Variants in UBE2E2 observed in about 807,000 individuals in gnomAD.
The protein encoded by UBE2E2 is ubiquitin-conjugating enzyme E2 E2.
Under a neutral mutation model 24.7 loss-of-function variants are expected in UBE2E2, and 6 were observed. That is an observed-to-expected ratio of 0.24 (90% CI 0.13 to 0.48). The LOEUF (loss-of-function observed/expected upper bound fraction) is 0.48. Ranked by LOEUF, UBE2E2 falls within the 20% of genes least tolerant of loss-of-function variation. The pLI, the probability that UBE2E2 is intolerant of heterozygous loss-of-function variation, is 0.99. For missense variants in UBE2E2, 169 were observed against 245.0 expected, an observed-to-expected ratio of 0.69 and a Z score of 2.07; for synonymous variants, 104 against 83.6, an observed-to-expected ratio of 1.24 and a Z score of -1.33.
chr3:23,442,938 A>T (rs1486578885), intron 3 of UBE2E2, among the ~76,000 whole-genome samples: 1 of 152,220 alleles, frequency 6.6e-6, no homozygotes, highest in East Asian at 1.9e-4. Context: ...TATATTAATA[A>T]TTGAACCAAA....
chr3:23,320,007 T>G (rs1694701856), intron 3 of UBE2E2, among the ~76,000 whole-genome samples: 1 of 152,142 alleles, frequency 6.6e-6, no homozygotes. Context: ...AATAGTTTTC[T>G]TTCAAGAAGG....
chr3:23,585,705 A>G (rs1167975428), intron 5 of UBE2E2, among the ~76,000 whole-genome samples: 1 of 152,168 alleles, frequency 6.6e-6, no homozygotes, highest in Non-Finnish European at 1.5e-5. Flanking sequence ...TTTAGTAAAA[A>G]TGAGGAAAAC....
intron 3 of UBE2E2, among the ~76,000 whole-genome samples, chr3:23,272,908 A>G (rs1321692799): frequency 6.6e-6 from 1 of 152,152 alleles, no homozygotes; most frequent in African/African-American, 2.4e-5. Flanking sequence ...GAAGCAGGAA[A>G]AGACTGATAT....
intron 3 of UBE2E2, among the ~76,000 whole-genome samples, chr3:23,298,640 A>G (rs1265339310): frequency 6.6e-6 from 1 of 151,736 alleles, no homozygotes; most frequent in Non-Finnish European, 1.5e-5. Flanking sequence ...GATGAAGCCC[A>G]CTTGATCATG....
intron 4 of UBE2E2, 136 bp downstream of exon 4, chr3:23,499,876 TA>T (rs1559403802): frequency 9.2e-7 from 1 of 1,089,600 alleles, no homozygotes; most frequent in Non-Finnish European, 1.2e-6. Context: ...TGATAGTGTA[TA>T]AAATGAAACA....
intron 5 of UBE2E2, among the ~76,000 whole-genome samples, chr3:23,536,934 G>A (rs1304435482): frequency 6.6e-6 from 1 of 152,146 alleles, no homozygotes; most frequent in Non-Finnish European, 1.5e-5. Flanking sequence ...CTTAGAAACT[G>A]CAACTTTTAG....
intron 3 of UBE2E2, among the ~76,000 whole-genome samples, chr3:23,261,874 G>A (rs991466533): frequency 3.3e-5 from 5 of 152,066 alleles, no homozygotes; most frequent in African/African-American, 1.2e-4. Flanking sequence ...TTCATTTATA[G>A]GTGTATGGGC....
chr3:23,515,589 C>T (rs554385653), intron 4 of UBE2E2, among the ~76,000 whole-genome samples: 1 of 152,226 alleles, frequency 6.6e-6, no homozygotes, highest in South Asian at 2.1e-4. Context: ...CCAGCATATA[C>T]TCCCTGTAAA....
At chr3:23,238,771 C>T (rs1047513031) in intron 3 of UBE2E2, among the ~76,000 whole-genome samples, 1 of 152,112 alleles carries the variant, frequency 6.6e-6, no homozygotes, top group African/African-American at 2.4e-5. Flanking sequence ...TTTTATTTCT[C>T]CCATGGGGAC....
intron 3 of UBE2E2, among the ~76,000 whole-genome samples, chr3:23,339,524 A>G (rs1559353218): frequency 1.3e-5 from 2 of 152,264 alleles, no homozygotes; most frequent in East Asian, 1.9e-4. Flanking sequence ...AATGCTTTGT[A>G]AAGTCTGAAA....
At chr3:23,396,875 G>A (rs946019016) in intron 3 of UBE2E2, among the ~76,000 whole-genome samples, 1 of 152,084 alleles carries the variant, frequency 6.6e-6, no homozygotes. Context: ...TGCAGGACAG[G>A]GGGGATGTGG....
intron 3 of UBE2E2, among the ~76,000 whole-genome samples, chr3:23,437,327 C>G (rs531036811): frequency 1.3e-5 from 2 of 152,264 alleles, no homozygotes; most frequent in South Asian, 4.1e-4. Context: ...TTGACTTTTC[C>G]ATGCATAGTA....
intron 5 of UBE2E2, among the ~76,000 whole-genome samples, chr3:23,554,914 AC>A: frequency 6.6e-6 from 1 of 151,576 alleles, no homozygotes. Context: ...ACCTGAATAT[AC>A]CTTTTTTTTT....
At chr3:23,473,302 T>C (rs1189229407) in intron 3 of UBE2E2, among the ~76,000 whole-genome samples, 1 of 152,118 alleles carries the variant, frequency 6.6e-6, no homozygotes, top group Admixed American at 6.5e-5. Context: ...ATTTTCTTAA[T>C]GTTTTAGTAG....
chr3:23,398,999 G>A (rs572830667), intron 3 of UBE2E2, among the ~76,000 whole-genome samples: 94 of 152,304 alleles, frequency 6.2e-4, no homozygotes, highest in African/African-American at 2.2e-3. Context: ...CCCAGTGGAT[G>A]CCTGAAACCT....
intron 4 of UBE2E2, among the ~76,000 whole-genome samples, chr3:23,503,844 C>T (rs931783903): frequency 6.7e-6 from 1 of 149,200 alleles, no homozygotes; most frequent in Admixed American, 6.7e-5. Flanking sequence ...CGGAGCAAGA[C>T]TCTGTCTCTA....
intron 3 of UBE2E2, among the ~76,000 whole-genome samples, chr3:23,494,856 C>A (rs898226660): frequency 2.6e-5 from 4 of 152,052 alleles, no homozygotes; most frequent in Non-Finnish European, 5.9e-5. Context: ...AGTATCCCAT[C>A]TTCTATCTCC....
At chr3:23,489,633 C>T (rs1026046467) in intron 3 of UBE2E2, among the ~76,000 whole-genome samples, 1 of 152,192 alleles carries the variant, frequency 6.6e-6, no homozygotes, top group African/African-American at 2.4e-5. Flanking sequence ...ACAATAGTTT[C>T]ATGGGATAAT....
intron 3 of UBE2E2, among the ~76,000 whole-genome samples, chr3:23,304,757 C>A (rs1473953542): frequency 6.6e-6 from 1 of 152,140 alleles, no homozygotes; most frequent in African/African-American, 2.4e-5. Flanking sequence ...GAAATCATAT[C>A]AGTGAACTTT....
Sources: allele counts gnomAD v4.1 joint callset (sites outside exome capture counted in the v4.1 genomes callset), GRCh38; gene constraint gnomAD v4.1.1; transcripts MANE v1.5; gene names NCBI Gene and HGNC (gene_info 2026-07-23, HGNC 2026-07-21).